The following RPS6KC1 variants were observed in gnomAD, a reference collection of about 807,000 sequenced individuals.
RPS6KC1 encodes the protein ribosomal protein S6 kinase C1, also known as inactive ribosomal protein S6 kinase delta-1.
A neutral mutation model predicts 103.8 loss-of-function variants in RPS6KC1; 54 were observed. The ratio of observed to expected loss-of-function variants is 0.52; its 90% CI spans 0.42 to 0.65. The LOEUF is 0.65. Ranked by LOEUF, RPS6KC1 falls within the 30% of genes least tolerant of loss-of-function variation. RPS6KC1 has a pLI of 0.00. For synonymous variants in RPS6KC1, 439 were observed against 438.7 expected, an observed-to-expected ratio of 1.00 and a Z score of -0.01; for missense variants, 1,151 against 1,253.8, an observed-to-expected ratio of 0.92 and a Z score of 1.24.
At chr1:213,079,370 T>C (rs2079646997) in intron 3 of RPS6KC1, among the ~76,000 whole-genome samples, 1 of 152,166 alleles carries the variant, frequency 6.6e-6, no homozygotes, top group African/African-American at 2.4e-5. Flanking sequence ...CTCATTGTTT[T>C]AAATAATTGT....
chr1:213,462,758 T>C, the RPS6KC1 span, among the ~76,000 whole-genome samples: 2 of 151,950 alleles, frequency 1.3e-5, no homozygotes, highest in Non-Finnish European at 2.9e-5. Context: ...TGGCGGGTGG[T>C]TGACTAGGGG....
chr1:213,653,330 G>A, the RPS6KC1 span, among the ~76,000 whole-genome samples: 2 of 152,072 alleles, frequency 1.3e-5, no homozygotes, highest in Non-Finnish European at 2.9e-5. Context: ...GTGGTGGCAC[G>A]CATCTGTAGT....
intron 3 of RPS6KC1, among the ~76,000 whole-genome samples, chr1:213,083,540 G>A (rs979773381): frequency 6.6e-6 from 1 of 152,212 alleles, no homozygotes; most frequent in Non-Finnish European, 1.5e-5. Flanking sequence ...TACTTAAGGA[G>A]CTACACTTAG....
chr1:213,713,245 A>G, the RPS6KC1 span, among the ~76,000 whole-genome samples: 3 of 152,128 alleles, frequency 2.0e-5, no homozygotes, highest in African/African-American at 7.2e-5. Context: ...TTTTTGATGT[A>G]TAAAAGTTTC....
chr1:213,728,635 C>T, the RPS6KC1 span, among the ~76,000 whole-genome samples: 1 of 152,076 alleles, frequency 6.6e-6, no homozygotes, highest in East Asian at 1.9e-4. Context: ...CATTTGCAGG[C>T]GGGGCCACTC....
At chr1:213,105,833 A>G (rs1468687836) in intron 4 of RPS6KC1, among the ~76,000 whole-genome samples, 2 of 152,198 alleles carry the variant, frequency 1.3e-5, no homozygotes, top group African/African-American at 4.8e-5. Flanking sequence ...TCTATGTGTC[A>G]GGGAGTCTGT....
chr1:213,629,225 T>A, the RPS6KC1 span, among the ~76,000 whole-genome samples: 3 of 152,144 alleles, frequency 2.0e-5, no homozygotes, highest in Non-Finnish European at 4.4e-5. Context: ...TCTAAGTCTC[T>A]TTGTAGGTCT....
At chr1:213,614,676 G>A in the RPS6KC1 span, among the ~76,000 whole-genome samples, 1 of 152,128 alleles carries the variant, frequency 6.6e-6, no homozygotes, top group African/African-American at 2.4e-5. Context: ...CTTAGCAGCT[G>A]TTTCCTTTTG....
chr1:213,448,488 C>T, the RPS6KC1 span, among the ~76,000 whole-genome samples: 1 of 152,022 alleles, frequency 6.6e-6, no homozygotes, highest in Non-Finnish European at 1.5e-5. Flanking sequence ...TATTTTCCCT[C>T]AAATTACTGT....
chr1:213,308,730 C>T, the RPS6KC1 span, among the ~76,000 whole-genome samples: 10 of 152,206 alleles, frequency 6.6e-5, no homozygotes, highest in African/African-American at 2.2e-4. Flanking sequence ...AGTCCCTACT[C>T]GAACATCTCT....
the RPS6KC1 span, among the ~76,000 whole-genome samples, chr1:213,690,239 T>C: frequency 6.6e-6 from 1 of 152,214 alleles, no homozygotes; most frequent in South Asian, 2.1e-4. Context: ...TCCTTCCCAC[T>C]GTGCTCAGAA....
Position 213,124,348 on chromosome 1 carries a change from A to G in RPS6KC1, c.473-5179A>G, listed in dbSNP as rs181453523. Among the ~76,000 whole-genome samples, 23 of 152,206 alleles carry G rather than the reference A, an allele frequency of 1.5e-4. No individual in the cohort carries two copies. The East Asian group carries it at 3.3e-3, about 22-fold the overall frequency. The stretch of plus-strand genomic sequence containing the variant: ...CTTCAGGTTGGTTTAACTTTTGACA[A>G]ATAGTCTCTGTATTATGTCAAATGT... On this transcript the variant is annotated intron_variant, in intron 5 of 14. Coordinates refer to ENST00000366960, the MANE Select transcript of RPS6KC1 (RefSeq NM_012424.6).
chr1:213,199,304 A>G (rs773821943), intron 8 of RPS6KC1, among the ~76,000 whole-genome samples: 6 of 152,202 alleles, frequency 3.9e-5, no homozygotes, highest in Non-Finnish European at 8.8e-5. Flanking sequence ...ACGATCAAGT[A>G]GGCTTTATCC....
At chr1:213,602,028 C>CTTTCTTTCTTTCTCTTTCTTTCTTTCTT in the RPS6KC1 span, among the ~76,000 whole-genome samples, 13 of 11,896 alleles carry the variant, frequency 1.1e-3, 3 homozygotes, top group African/African-American at 2.4e-3. Flanking sequence ...TTCTTTCTTT[C>CTTTCTTTCTTTCTCTTTCTTTCTTTCTT]TCTTTCTCTT....
intron 8 of RPS6KC1, among the ~76,000 whole-genome samples, chr1:213,184,011 A>G (rs1168045842): frequency 6.6e-6 from 1 of 152,178 alleles, no homozygotes; most frequent in Non-Finnish European, 1.5e-5. Context: ...GATAATTTAG[A>G]TGGAATGGAC....
At chr1:213,434,104 A>T in the RPS6KC1 span, among the ~76,000 whole-genome samples, 1 of 147,184 alleles carries the variant, frequency 6.8e-6, no homozygotes, top group African/African-American at 2.5e-5. Context: ...CAACATGCAG[A>T]TAAGCAAAAA....
chr1:213,163,669 C>T (rs568836035), intron 6 of RPS6KC1, among the ~76,000 whole-genome samples: 1 of 151,656 alleles, frequency 6.6e-6, no homozygotes, highest in Non-Finnish European at 1.5e-5. Context: ...AGTAAAAATG[C>T]CTCTTGATTT....
chr1:213,765,369 C>T, the RPS6KC1 span, among the ~76,000 whole-genome samples: 1 of 152,178 alleles, frequency 6.6e-6, no homozygotes, highest in East Asian at 1.9e-4. Flanking sequence ...CCCTTTAACT[C>T]ACCCTCATAA....
the RPS6KC1 span, among the ~76,000 whole-genome samples, chr1:213,554,178 A>G: frequency 6.6e-6 from 1 of 152,086 alleles, no homozygotes; most frequent in Non-Finnish European, 1.5e-5. Context: ...TAAGTCTTTA[A>G]TCTATCTTGA....
Sources: allele counts gnomAD v4.1 joint callset (sites outside exome capture counted in the v4.1 genomes callset), GRCh38; gene constraint gnomAD v4.1.1; transcripts MANE v1.5; gene names NCBI Gene and HGNC (gene_info 2026-07-23, HGNC 2026-07-21).